TENM4: variants seen among roughly 807,000 people sequenced by gnomAD.
TENM4 encodes the protein teneurin-4.
In TENM4, 82 loss-of-function variants were observed where a neutral mutation model predicts 243.3. The ratio of observed to expected loss-of-function variants is 0.34; its 90% confidence interval spans 0.28 to 0.40. The LOEUF is 0.40. Ranked by LOEUF, TENM4 falls within the 10% of genes least tolerant of loss-of-function variation. The pLI is 1.00. For synonymous variants in TENM4, 1,412 were observed against 1,456.3 expected, an observed-to-expected ratio of 0.97 and a Z score of 0.69; for missense variants, 3,138 against 3,673.3, an observed-to-expected ratio of 0.85 and a Z score of 3.77.
At chr11:78,779,233 A>G (rs967576178) in intron 16 of TENM4, among the ~76,000 whole-genome samples, 9 of 152,252 alleles carry the variant, frequency 5.9e-5, no homozygotes, top group Admixed American at 2.6e-4. Flanking sequence ...GTGCCCACAT[A>G]TGCTTGAATG....
At chr11:79,236,580 C>T (rs17137917) in intron 2 of TENM4, among the ~76,000 whole-genome samples, 15,091 of 152,102 alleles carry the variant, frequency 0.099, 781 homozygotes, top group East Asian at 0.19. Context: ...GGATGGTGAG[C>T]GAACCCTCAG....
At chr11:78,731,999 AG>A (rs1855677877) in intron 21 of TENM4, among the ~76,000 whole-genome samples, 1 of 152,226 alleles carries the variant, frequency 6.6e-6, no homozygotes, top group Non-Finnish European at 1.5e-5. Context: ...AGAGGGACAC[AG>A]GAGGCTGGGG....
intron 6 of TENM4, among the ~76,000 whole-genome samples, chr11:79,046,753 A>G (rs1393816360): frequency 6.6e-6 from 1 of 152,150 alleles, no homozygotes; most frequent in Non-Finnish European, 1.5e-5. Flanking sequence ...AGATTCACCT[A>G]CAGGGTTCAG....
intron 6 of TENM4, among the ~76,000 whole-genome samples, chr11:79,056,509 A>C (rs1265581752): frequency 6.6e-6 from 1 of 152,078 alleles, no homozygotes; most frequent in Non-Finnish European, 1.5e-5. Context: ...CCCAGATCAC[A>C]GGCAATTCCA....
chr11:79,372,555 A>G (rs1288625782), intron 1 of TENM4, among the ~76,000 whole-genome samples: 1 of 152,210 alleles, frequency 6.6e-6, no homozygotes, highest in East Asian at 1.9e-4. Context: ...CTCAGAGCCA[A>G]TAATGTCAGC....
chr11:78,920,232 G>C (rs1338969439), intron 6 of TENM4, among the ~76,000 whole-genome samples: 1 of 152,098 alleles, frequency 6.6e-6, no homozygotes, highest in Non-Finnish European at 1.5e-5. Flanking sequence ...TTTTCCTGGA[G>C]CACCTCTCAT....
At chr11:79,286,530 G>A (rs1856255199) in intron 2 of TENM4, among the ~76,000 whole-genome samples, 1 of 151,280 alleles carries the variant, frequency 6.6e-6, no homozygotes, top group African/African-American at 2.4e-5. Context: ...TTAGCTGGGT[G>A]TGGTGGTGGA....
intron 6 of TENM4, among the ~76,000 whole-genome samples, chr11:79,011,641 C>G (rs1858645398): frequency 6.6e-6 from 1 of 152,228 alleles, no homozygotes; most frequent in Non-Finnish European, 1.5e-5. Context: ...GGTCTGCACC[C>G]CCGCTGGCTT....
At chr11:78,922,265 C>T (rs917776891) in intron 6 of TENM4, among the ~76,000 whole-genome samples, 1 of 152,150 alleles carries the variant, frequency 6.6e-6, no homozygotes, top group African/African-American at 2.4e-5. Flanking sequence ...GAAAGGCAGG[C>T]AGGCAGAAAA....
chr11:79,397,796 T>G (rs1227261739), intron 1 of TENM4, among the ~76,000 whole-genome samples: 2 of 152,190 alleles, frequency 1.3e-5, no homozygotes, highest in Non-Finnish European at 2.9e-5. Flanking sequence ...GCAGTTTGTA[T>G]GATTTTTCCC....
intron 1 of TENM4, among the ~76,000 whole-genome samples, chr11:79,369,599 C>T (rs76608561): frequency 6.6e-6 from 1 of 152,148 alleles, no homozygotes; most frequent in Non-Finnish European, 1.5e-5. Context: ...TACCAGCAAG[C>T]CTTCACAGGC....
chr11:79,236,806 C>A (rs1361317954), intron 2 of TENM4, among the ~76,000 whole-genome samples: 1 of 152,136 alleles, frequency 6.6e-6, no homozygotes, highest in Admixed American at 6.5e-5. Flanking sequence ...TTGTAGAGGG[C>A]GGATGTTGTT....
intron 1 of TENM4, among the ~76,000 whole-genome samples, chr11:79,304,602 T>C (rs79550814): frequency 0.017 from 2,585 of 152,352 alleles, 29 homozygotes; most frequent in Middle Eastern, 0.092. Context: ...TTAGGTATCA[T>C]TTTTGAGAGC....
intron 1 of TENM4, among the ~76,000 whole-genome samples, chr11:79,366,310 G>A (rs1379118495): frequency 6.6e-6 from 1 of 152,228 alleles, no homozygotes; most frequent in Non-Finnish European, 1.5e-5. Context: ...GACCCAGGCT[G>A]GTTGGGCTCC....
intron 1 of TENM4, among the ~76,000 whole-genome samples, chr11:79,368,190 A>C (rs1205269907): frequency 6.6e-6 from 1 of 152,156 alleles, no homozygotes; most frequent in African/African-American, 2.4e-5. Context: ...AGAGAAGCCA[A>C]GAGCAGCCAC....
intron 2 of TENM4, among the ~76,000 whole-genome samples, chr11:79,290,283 T>A (rs570068266): frequency 7.9e-5 from 12 of 152,382 alleles, no homozygotes; most frequent in African/African-American, 2.9e-4. Context: ...TATGTGCTAA[T>A]AACTCTCATT....
chr11:79,379,406 T>C (rs11822489), intron 1 of TENM4, among the ~76,000 whole-genome samples: 18,198 of 152,204 alleles, frequency 0.12, 1,243 homozygotes, highest in African/African-American at 0.19. Flanking sequence ...GGATGCTGTG[T>C]GGAGACTGTA....
intron 29 of TENM4, 39 bp from the exon 30 acceptor site, chr11:78,676,426 G>C (rs1175825877): frequency 6.6e-7 from 1 of 1,524,040 alleles, no homozygotes; most frequent in South Asian, 1.3e-5. Context: ...CAGAAGGAAC[G>C]AAGGTGGAGG....
At chr11:78,737,207 A>C (rs866454540) in intron 20 of TENM4, among the ~76,000 whole-genome samples, 1 of 152,224 alleles carries the variant, frequency 6.6e-6, no homozygotes, top group African/African-American at 2.4e-5. Context: ...TGCCACTTTC[A>C]TACAGCAGGC....
Sources: gnomAD v4.1 joint callset for allele counts (sites outside exome capture counted in the v4.1 genomes callset) on GRCh38, gnomAD v4.1.1 for gene constraint, MANE v1.5 for transcripts, NCBI Gene and HGNC (gene_info 2026-07-23, HGNC 2026-07-21) for gene names.